Variants in HSD17B3 observed in about 807,000 individuals in gnomAD.
The protein encoded by HSD17B3 is hydroxysteroid 17-beta dehydrogenase 3, also known as 17-beta-hydroxysteroid dehydrogenase type 3.
In HSD17B3, 29 loss-of-function variants were observed where a neutral mutation model predicts 41.1. The ratio of observed to expected loss-of-function variants is 0.71; its 90% CI spans 0.53 to 0.96. The LOEUF (loss-of-function observed/expected upper bound fraction) is 0.96. Ranked by LOEUF, HSD17B3 falls within the 40% of genes least tolerant of loss-of-function variation. The probability of loss-of-function intolerance (pLI) is 0.00; values close to 1 mark genes in which losing one functional copy is unlikely to be tolerated. For synonymous variants in HSD17B3, 126 were observed against 145.6 expected (o/e 0.87, Z 0.97); for missense variants, 323 against 374.6 (o/e 0.86, Z 1.14).
At chr9:96,268,285 A>C (rs1239539310) in intron 2 of HSD17B3, among the ~76,000 whole-genome samples, 1 of 152,166 alleles carries the variant, frequency 6.6e-6, no homozygotes, top group Non-Finnish European at 1.5e-5. Context: ...ACTAGGTGAT[A>C]GCTTTACAAT....
intron 2 of HSD17B3, among the ~76,000 whole-genome samples, chr9:96,291,976 T>C (rs889618993): frequency 1.3e-5 from 2 of 150,648 alleles, no homozygotes; most frequent in Admixed American, 6.6e-5. Context: ...AAAAAAAAAG[T>C]TCAATAAACC....
At chr9:96,247,040 C>A (rs527387941) in intron 6 of HSD17B3, among the ~76,000 whole-genome samples, 1 of 152,118 alleles carries the variant, frequency 6.6e-6, no homozygotes, top group African/African-American at 2.4e-5. Context: ...CAACAGCAAC[C>A]GCTTACGCAG....
At chr9:96,282,336 A>G (rs986307990) in intron 2 of HSD17B3, among the ~76,000 whole-genome samples, 2 of 152,230 alleles carry the variant, frequency 1.3e-5, no homozygotes, top group African/African-American at 4.8e-5. Flanking sequence ...AGAAAAGTAA[A>G]AAGTGTAATG....
chr9:96,278,214 T>C (rs1266283037), intron 2 of HSD17B3, among the ~76,000 whole-genome samples: 1 of 152,164 alleles, frequency 6.6e-6, no homozygotes, highest in Non-Finnish European at 1.5e-5. Context: ...CAAGGCTGTA[T>C]TATATGCTTG....
intron 2 of HSD17B3, among the ~76,000 whole-genome samples, chr9:96,264,846 T>C (rs1399174834): frequency 6.6e-6 from 1 of 152,248 alleles, no homozygotes; most frequent in African/African-American, 2.4e-5. Flanking sequence ...CCTTTAGCTA[T>C]TCTAGTTTAT....
chr9:96,266,749 G>A (rs1407019661), intron 2 of HSD17B3, among the ~76,000 whole-genome samples: 1 of 152,160 alleles, frequency 6.6e-6, no homozygotes, highest in African/African-American at 2.4e-5. Context: ...GGGTCAGAGT[G>A]AGAAGTCATC....
chr9:96,245,001 T>C (rs2130713754), intron 8 of HSD17B3, among the ~76,000 whole-genome samples: 1 of 152,148 alleles, frequency 6.6e-6, no homozygotes, highest in South Asian at 2.1e-4. Context: ...CCTCAGGCTG[T>C]TTTTATGACT....
intron 10 of HSD17B3, among the ~76,000 whole-genome samples, chr9:96,237,855 C>T (rs1451784803): frequency 2.0e-5 from 3 of 152,210 alleles, no homozygotes; most frequent in Non-Finnish European, 4.4e-5. Context: ...TCAGGCCGGG[C>T]ACAGTGGCTC....
intron 3 of HSD17B3, among the ~76,000 whole-genome samples, chr9:96,253,607 C>T (rs186855001): frequency 1.2e-4 from 19 of 152,268 alleles, no homozygotes; most frequent in African/African-American, 4.1e-4. Context: ...ACGTTCAATG[C>T]GCTCCCCACT....
At chr9:96,260,030 A>T (rs1233839956) in intron 2 of HSD17B3, among the ~76,000 whole-genome samples, 1 of 152,214 alleles carries the variant, frequency 6.6e-6, no homozygotes, top group African/African-American at 2.4e-5. Flanking sequence ...CAGCAAACAT[A>T]CTTGCCTTGC....
intron 2 of HSD17B3, among the ~76,000 whole-genome samples, chr9:96,261,186 C>T (rs1332657697): frequency 1.1e-5 from 1 of 87,974 alleles, no homozygotes. Flanking sequence ...TGTTGCTTCT[C>T]AGCTGCTTTG....
intron 2 of HSD17B3, among the ~76,000 whole-genome samples, chr9:96,290,957 G>A (rs1465851168): frequency 1.3e-5 from 2 of 152,078 alleles, no homozygotes; most frequent in South Asian, 4.1e-4. Flanking sequence ...TCTACTCCAA[G>A]CAAACACCTT....
chr9:96,246,521 C>A, intron 7 of HSD17B3, 35 bp downstream of exon 7: 2 of 1,607,596 alleles, frequency 1.2e-6, no homozygotes, highest in South Asian at 2.2e-5. Context: ...GCAGGGAGGC[C>A]ATGTTGCTCC....
chr9:96,267,244 C>T (rs1826074773), intron 2 of HSD17B3, among the ~76,000 whole-genome samples: 1 of 151,694 alleles, frequency 6.6e-6, no homozygotes, highest in Non-Finnish European at 1.5e-5. Context: ...GCAACCTCCA[C>T]CTCCCAGGTT....
chr9:96,293,349 G>C (rs2130793401), intron 2 of HSD17B3, among the ~76,000 whole-genome samples: 2 of 152,242 alleles, frequency 1.3e-5, no homozygotes, highest in Non-Finnish European at 2.9e-5. Flanking sequence ...AAACAAGATT[G>C]ACCTTCCTGG....
intron 2 of HSD17B3, among the ~76,000 whole-genome samples, chr9:96,265,419 T>C (rs1826015579): frequency 6.6e-6 from 1 of 152,236 alleles, no homozygotes; most frequent in Non-Finnish European, 1.5e-5. Context: ...GTTGTGCTCT[T>C]ACAACACTGA....
intron 1 of HSD17B3, 30 bp downstream of exon 1, chr9:96,301,920 CA>C (rs8190483): frequency 5.6e-6 from 9 of 1,604,456 alleles, no homozygotes; most frequent in Middle Eastern, 1.7e-4. Context: ...ACAACAGCAG[CA>C]AAAAAACATG....
chr9:96,285,302 T>TA (rs1439251998), intron 2 of HSD17B3, among the ~76,000 whole-genome samples: 1 of 152,244 alleles, frequency 6.6e-6, no homozygotes, highest in Non-Finnish European at 1.5e-5. Flanking sequence ...AGAACTATGG[T>TA]ACACGTGTAT....
intron 1 of HSD17B3, among the ~76,000 whole-genome samples, chr9:96,301,571 C>T (rs1346805853): frequency 4.6e-5 from 7 of 151,028 alleles, no homozygotes; most frequent in Non-Finnish European, 1.0e-4. Flanking sequence ...ATTAGCCAGC[C>T]GTAGTAGTGT....
Sources: gnomAD v4.1 joint callset for allele counts (sites outside exome capture counted in the v4.1 genomes callset) on GRCh38, gnomAD v4.1.1 for gene constraint, MANE v1.5 for transcripts, NCBI Gene and HGNC (gene_info 2026-07-23, HGNC 2026-07-21) for gene names.